The following BLTP3B variants were observed in gnomAD, a reference collection of about 807,000 sequenced individuals.
BLTP3B encodes bridge-like lipid transfer protein family member 3B.
the BLTP3B span, among the ~76,000 whole-genome samples, chr12:100,130,982 G>GA: frequency 3.7e-4 from 23 of 62,214 alleles, no homozygotes; most frequent in East Asian, 9.6e-4. Context: ...AGAGAGGGAG[G>GA]GAGAGAGAGA....
At chr12:100,043,078 C>T in the BLTP3B span, among the ~76,000 whole-genome samples, 9,576 of 152,226 alleles carry the variant, frequency 0.063, 330 homozygotes, top group Middle Eastern at 0.15. Context: ...AGATTACAGG[C>T]GTGAGCCACC....
the BLTP3B span, chr12:100,108,266 A>C: frequency 8.4e-6 from 9 of 1,074,424 alleles, no homozygotes; most frequent in Non-Finnish European, 1.2e-5. Context: ...AAATTATATT[A>C]ATAAAAATGT....
At chr12:100,128,749 G>C in the BLTP3B span, 1 of 1,268,910 alleles carries the variant, frequency 7.9e-7, no homozygotes, top group Non-Finnish European at 1.0e-6. Flanking sequence ...GTACACAGGG[G>C]ACACAGAAGG....
the BLTP3B span, chr12:100,086,446 G>A: frequency 1.3e-6 from 1 of 746,722 alleles, no homozygotes; most frequent in Non-Finnish European, 2.1e-6. Flanking sequence ...CATACTTGGA[G>A]TCCAAATAGT....
the BLTP3B span, among the ~76,000 whole-genome samples, chr12:100,116,381 G>A: frequency 6.8e-6 from 1 of 147,996 alleles, no homozygotes; most frequent in Non-Finnish European, 1.5e-5. Context: ...TTGAGCCCAG[G>A]AGGTGGAGTT....
chr12:100,098,745 A>C, the BLTP3B span, among the ~76,000 whole-genome samples: 1 of 151,488 alleles, frequency 6.6e-6, no homozygotes, highest in Non-Finnish European at 1.5e-5. Context: ...CTACTAAAAA[A>C]AAAAACACAA....
At chr12:100,115,208 C>A in the BLTP3B span, among the ~76,000 whole-genome samples, 2 of 152,066 alleles carry the variant, frequency 1.3e-5, no homozygotes, top group Non-Finnish European at 2.9e-5. Context: ...CAATTCGAGA[C>A]CAGCCTGTCC....
chr12:100,048,616 G>T, the BLTP3B span, among the ~76,000 whole-genome samples: 1 of 151,718 alleles, frequency 6.6e-6, no homozygotes. Flanking sequence ...TCATTAAATT[G>T]GGTCCTTAAA....
chr12:100,131,634 A>G, the BLTP3B span, among the ~76,000 whole-genome samples: 2 of 152,204 alleles, frequency 1.3e-5, no homozygotes, highest in African/African-American at 4.8e-5. Context: ...ATAATGTCTG[A>G]AAAACCAAAC....
At chr12:100,142,475 G>A in the BLTP3B span, 2 of 1,158,234 alleles carry the variant, frequency 1.7e-6, no homozygotes, top group Non-Finnish European at 1.2e-6. Context: ...GAGCGGGGAA[G>A]TCCGAAGGTC....
the BLTP3B span, among the ~76,000 whole-genome samples, chr12:100,085,006 A>G: frequency 6.6e-6 from 1 of 152,214 alleles, no homozygotes; most frequent in Non-Finnish European, 1.5e-5. Flanking sequence ...TATCAAATAA[A>G]TAGAATCCTT....
chr12:100,092,553 T>C, the BLTP3B span, among the ~76,000 whole-genome samples: 1 of 152,152 alleles, frequency 6.6e-6, no homozygotes, highest in Non-Finnish European at 1.5e-5. Flanking sequence ...GGCAAAAACC[T>C]GTAAGAAAAT....
At chr12:100,057,535 C>A in the BLTP3B span, 1 of 1,564,548 alleles carries the variant, frequency 6.4e-7, no homozygotes, top group Non-Finnish European at 8.7e-7. Flanking sequence ...GGTGTATGTA[C>A]GTAATATGAA....
At chr12:100,123,168 GATTAAAGGT>G in the BLTP3B span, among the ~76,000 whole-genome samples, 1 of 151,996 alleles carries the variant, frequency 6.6e-6, no homozygotes, top group Non-Finnish European at 1.5e-5. Flanking sequence ...GTGTCTGAGA[GATTAAAGGT>G]ATTGTACATT....
At chr12:100,084,647 T>G in the BLTP3B span, 1 of 1,613,570 alleles carries the variant, frequency 6.2e-7, no homozygotes, top group East Asian at 2.2e-5. Context: ...ATCCAATGAT[T>G]ACAACTATCT....
chr12:100,039,618 G>C, the BLTP3B span: 3 of 1,613,254 alleles, frequency 1.9e-6, no homozygotes, highest in Non-Finnish European at 8.5e-7. Context: ...GAAGTCAAAG[G>C]AGAACTCAGG....
the BLTP3B span, among the ~76,000 whole-genome samples, chr12:100,061,296 A>G: frequency 6.6e-6 from 1 of 152,192 alleles, no homozygotes; most frequent in Non-Finnish European, 1.5e-5. Flanking sequence ...CCAAGACTAG[A>G]GCACAGAAAG....
At chr12:100,128,504 C>G in the BLTP3B span, 1 of 1,034,578 alleles carries the variant, frequency 9.7e-7, no homozygotes, top group Non-Finnish European at 1.2e-6. Flanking sequence ...CTCAAAGTAT[C>G]TTTATGCAGG....
the BLTP3B span, among the ~76,000 whole-genome samples, chr12:100,121,824 C>T: frequency 6.6e-6 from 1 of 151,902 alleles, no homozygotes; most frequent in Non-Finnish European, 1.5e-5. Context: ...AGCGAAAGTC[C>T]GTCTCAAGAA....
Sources: allele counts gnomAD v4.1 joint callset (sites outside exome capture counted in the v4.1 genomes callset), GRCh38; gene constraint gnomAD v4.1.1; transcripts MANE v1.5; gene names NCBI Gene and HGNC (gene_info 2026-07-23, HGNC 2026-07-21).